The following DDAH1 variants were observed in gnomAD, a reference collection of about 807,000 sequenced individuals.
DDAH1 encodes dimethylarginine dimethylaminohydrolase 1, also known as N(G),N(G)-dimethylarginine dimethylaminohydrolase 1.
Under a neutral mutation model 28.8 loss-of-function variants are expected in DDAH1, and 19 were observed. The ratio of observed to expected loss-of-function variants is 0.66; its 90% CI spans 0.46 to 0.97. The LOEUF is 0.97. Ranked by LOEUF, DDAH1 falls within the 50% of genes least tolerant of loss-of-function variation. The pLI is 0.00. For missense variants in DDAH1, 326 were observed against 375.9 expected, an observed-to-expected ratio of 0.87 and a Z score of 1.10; for synonymous variants, 153 against 154.4, an observed-to-expected ratio of 0.99 and a Z score of 0.07.
At chr1:85,386,727 C>T (rs1347407572) in intron 1 of DDAH1, among the ~76,000 whole-genome samples, 2 of 152,172 alleles carry the variant, frequency 1.3e-5, no homozygotes, top group Non-Finnish European at 2.9e-5. Flanking sequence ...TTTTACCCTA[C>T]ATTTCCCTGC....
intron 1 of DDAH1, among the ~76,000 whole-genome samples, chr1:85,403,785 AT>A (rs2100583208): frequency 6.6e-6 from 1 of 152,324 alleles, no homozygotes; most frequent in South Asian, 2.1e-4. Context: ...ATTTTGGACC[AT>A]TAATCTGTAA....
At chr1:85,524,525 T>G (rs1448478683) in intron 1 of DDAH1, among the ~76,000 whole-genome samples, 34 of 152,042 alleles carry the variant, frequency 2.2e-4, no homozygotes, top group African/African-American at 8.2e-4. Context: ...TGAAGACTCA[T>G]CTGGCTACAA....
intron 1 of DDAH1, among the ~76,000 whole-genome samples, chr1:85,409,453 TCA>T (rs1387983427): frequency 6.6e-6 from 1 of 152,222 alleles, no homozygotes; most frequent in Non-Finnish European, 1.5e-5. Context: ...AACCTGACAT[TCA>T]CAGTCTAACT....
intron 1 of DDAH1, among the ~76,000 whole-genome samples, chr1:85,439,726 G>A (rs559711025): frequency 6.6e-6 from 1 of 152,160 alleles, no homozygotes; most frequent in Non-Finnish European, 1.5e-5. Flanking sequence ...GGCACAATCA[G>A]CTGGAAACTG....
At chr1:85,496,137 T>A in intron 2 of DDAH1, 16 of 634,348 alleles carry the variant, frequency 2.5e-5, no homozygotes, top group Non-Finnish European at 3.1e-5. Flanking sequence ...CTTTTAGCTG[T>A]AAAGGAGGAC....
chr1:85,400,188 T>C (rs1467215569), intron 1 of DDAH1, among the ~76,000 whole-genome samples: 10 of 99,534 alleles, frequency 1.0e-4, no homozygotes, highest in African/African-American at 3.6e-4. Context: ...TTTTTTTTTT[T>C]TTTTTTTTTT....
At chr1:85,466,402 C>T (rs549531651), upstream of DDAH1, among the ~76,000 whole-genome samples, 9 of 152,288 alleles carry the variant, frequency 5.9e-5, no homozygotes, top group Admixed American at 5.2e-4. Context: ...AGGTGCACGC[C>T]ACCACTCGCG....
At chr1:85,462,651 C>A (rs761052707) in intron 1 of DDAH1, among the ~76,000 whole-genome samples, 1 of 152,156 alleles carries the variant, frequency 6.6e-6, no homozygotes, top group African/African-American at 2.4e-5. Flanking sequence ...CCTACCAAGG[C>A]GGTGAGCTGG....
intron 1 of DDAH1, among the ~76,000 whole-genome samples, chr1:85,429,963 C>T (rs540859044): frequency 1.4e-3 from 214 of 152,258 alleles, no homozygotes; most frequent in African/African-American, 4.8e-3. Context: ...GTTGCCTGTT[C>T]ACTTTGATGG....
At chr1:85,389,443 A>C (rs993403073) in intron 1 of DDAH1, among the ~76,000 whole-genome samples, 3 of 152,122 alleles carry the variant, frequency 2.0e-5, no homozygotes, top group Non-Finnish European at 4.4e-5. Flanking sequence ...CAGAATACCA[A>C]CTCTGTGCTA....
chr1:85,484,435 AT>A (rs1473530630), intron 2 of DDAH1, among the ~76,000 whole-genome samples: 2 of 152,260 alleles, frequency 1.3e-5, no homozygotes, highest in Non-Finnish European at 2.9e-5. Context: ...GCCAAGGATG[AT>A]TCATTTGAAA....
Position 85,465,131 on chromosome 1 carries a change from G to T in DDAH1, c.-86C>A. 1.7e-6 allele frequency: 2 copies of T among 1,170,498 alleles called. No homozygotes were observed. The highest frequency in any genetic ancestry group is 2.1e-6 in the Non-Finnish European group (2 of 949,464). The allele number at this position is 1,170,498 out of a possible 1,614,324, so 72.5% of individuals were successfully genotyped here. ...GCGCGCGCTGAGCCTGCGAGCGCCC[G>T]TCGGCTCCTCTTGGCAGCCGCTGAA... On this transcript the variant is annotated 5_prime_UTR_variant, in exon 1 of 6. Coordinates refer to ENST00000284031, the MANE Select transcript of DDAH1 (RefSeq NM_012137.4).
chr1:85,335,518 T>C (rs1648049785), intron 4 of DDAH1, among the ~76,000 whole-genome samples: 2 of 152,084 alleles, frequency 1.3e-5, no homozygotes, highest in South Asian at 2.1e-4. Context: ...AGTAGATATA[T>C]TTATATCAGA....
intron 4 of DDAH1, among the ~76,000 whole-genome samples, chr1:85,342,446 G>T (rs1648561389): frequency 6.6e-6 from 1 of 151,718 alleles, no homozygotes; most frequent in African/African-American, 2.4e-5. Flanking sequence ...TGAGTCAAAT[G>T]CAAGCTTCCT....
intron 1 of DDAH1, among the ~76,000 whole-genome samples, chr1:85,401,600 A>G (rs1652111173): frequency 6.6e-6 from 1 of 150,798 alleles, no homozygotes; most frequent in Non-Finnish European, 1.5e-5. Flanking sequence ...CCTGGGCCCA[A>G]GCAATCCTCC....
intron 1 of DDAH1, among the ~76,000 whole-genome samples, chr1:85,549,954 A>G (rs1014185186): frequency 6.6e-6 from 1 of 152,138 alleles, no homozygotes; most frequent in African/African-American, 2.4e-5. Flanking sequence ...TTTAATTTCT[A>G]TAATAGAATA....
chr1:85,383,338 A>C (rs146907784), intron 1 of DDAH1, among the ~76,000 whole-genome samples: 6,522 of 152,272 alleles, frequency 0.043, 488 homozygotes, highest in African/African-American at 0.15. Flanking sequence ...TAGCAAGAGA[A>C]CTAGAATTAG....
At chr1:85,491,420 G>A (rs941948040) in intron 2 of DDAH1, among the ~76,000 whole-genome samples, 1 of 152,154 alleles carries the variant, frequency 6.6e-6, no homozygotes, top group Non-Finnish European at 1.5e-5. Context: ...CAAAGACAAA[G>A]GAATCCTCTT....
intron 1 of DDAH1, among the ~76,000 whole-genome samples, chr1:85,460,279 T>C (rs977186572): frequency 7.9e-5 from 12 of 152,212 alleles, no homozygotes; most frequent in African/African-American, 2.9e-4. Flanking sequence ...CTAAGTACCC[T>C]AATAAAAGGG....
Sources: gnomAD v4.1 joint callset for allele counts (sites outside exome capture counted in the v4.1 genomes callset) on GRCh38, gnomAD v4.1.1 for gene constraint, MANE v1.5 for transcripts, NCBI Gene and HGNC (gene_info 2026-07-23, HGNC 2026-07-21) for gene names.